MYO5A: variants seen among roughly 807,000 people sequenced by gnomAD.
MYO5A encodes the protein unconventional myosin-Va.
Under a neutral mutation model 249.7 loss-of-function variants are expected in MYO5A, and 98 were observed. That is an observed-to-expected ratio of 0.39 (90% CI 0.33 to 0.46). The LOEUF (loss-of-function observed/expected upper bound fraction) is 0.46. Ranked by LOEUF, MYO5A falls within the 20% of genes least tolerant of loss-of-function variation. The pLI is 0.98. For synonymous variants in MYO5A, 778 were observed against 810.6 expected (o/e 0.96, Z 0.68); for missense variants, 1,696 against 2,308.8 (o/e 0.73, Z 5.44).
At chr15:52,441,391 T>C (rs1387011778) in intron 1 of MYO5A, among the ~76,000 whole-genome samples, 1 of 152,168 alleles carries the variant, frequency 6.6e-6, no homozygotes, top group African/African-American at 2.4e-5. Flanking sequence ...AACTTCCATA[T>C]GCCCACCACT....
At chr15:52,385,836 A>G (rs868298800) in intron 14 of MYO5A, among the ~76,000 whole-genome samples, 1 of 152,212 alleles carries the variant, frequency 6.6e-6, no homozygotes, top group African/African-American at 2.4e-5. Flanking sequence ...CCAGCAGCAG[A>G]GGAAGCCTCC....
chr15:52,413,155 A>AG (rs2043323166), intron 5 of MYO5A, among the ~76,000 whole-genome samples: 1 of 151,060 alleles, frequency 6.6e-6, no homozygotes, highest in Non-Finnish European at 1.5e-5. Context: ...CTCAAAAAAA[A>AG]AAAAAAAAAA....
chr15:52,516,641 A>G (rs1236930999), intron 1 of MYO5A, among the ~76,000 whole-genome samples: 1 of 152,228 alleles, frequency 6.6e-6, no homozygotes, highest in East Asian at 1.9e-4. Flanking sequence ...TGACTGCTAT[A>G]AAGATTCCAT....
chr15:52,396,267 C>A, intron 11 of MYO5A, 49 bp downstream of exon 11: 3 of 1,118,738 alleles, frequency 2.7e-6, no homozygotes, highest in South Asian at 2.7e-5. Context: ...ACTAGGAATT[C>A]AAGAGAATAA....
chr15:52,380,958 T>TA (rs1286245617), intron 16 of MYO5A, among the ~76,000 whole-genome samples: 1 of 152,230 alleles, frequency 6.6e-6, no homozygotes, highest in Non-Finnish European at 1.5e-5. Flanking sequence ...TATATTTTTT[T>TA]AAAAATTACT....
chr15:52,360,807 G>C (rs922003248), intron 24 of MYO5A, among the ~76,000 whole-genome samples: 1 of 152,160 alleles, frequency 6.6e-6, no homozygotes, highest in Non-Finnish European at 1.5e-5. Flanking sequence ...TAGGAGAAGG[G>C]GTTAGAGAAT....
rs746546876 is a variant in MYO5A at position 52,354,016 on chromosome 15, T to C, written c.3424-2A>G. The C allele has an allele frequency of 1.2e-6, 2 of 1,614,146 alleles. No individual in the cohort carries two copies. Among genetic ancestry groups the C allele is most frequent in the South Asian group, 1.1e-5 (1 of 91,090 alleles). On this transcript the variant is annotated splice_acceptor_variant, in intron 25 of 41. Transcript: ENST00000399233. LOFTEE classifies it high-confidence loss of function. The stretch of plus-strand genomic sequence containing the variant: ...AGGTACCTTCTTCTCACTTGGTTCC[T>C]AAACCCCAGGAATCACAAAGATGGT...
intron 1 of MYO5A, among the ~76,000 whole-genome samples, chr15:52,460,741 TA>T (rs1362558245): frequency 9.9e-5 from 15 of 152,266 alleles, no homozygotes. Flanking sequence ...ATAAAGACTT[TA>T]ATGACATAGT....
At chr15:52,365,071 C>T (rs914427527) in intron 23 of MYO5A, among the ~76,000 whole-genome samples, 1 of 152,144 alleles carries the variant, frequency 6.6e-6, no homozygotes, top group African/African-American at 2.4e-5. Flanking sequence ...AAGTAGTGTA[C>T]TCTCTCAAAA....
intron 5 of MYO5A, among the ~76,000 whole-genome samples, chr15:52,410,886 C>CT (rs2043218929): frequency 6.6e-6 from 1 of 152,166 alleles, no homozygotes; most frequent in African/African-American, 2.4e-5. Context: ...AAAACTGATT[C>CT]TTTTAAGAAC....
intron 1 of MYO5A, among the ~76,000 whole-genome samples, chr15:52,506,981 G>A (rs2077285050): frequency 6.6e-6 from 1 of 152,212 alleles, no homozygotes; most frequent in African/African-American, 2.4e-5. Context: ...ATGGAAGAAA[G>A]AGAGTATATA....
intron 1 of MYO5A, among the ~76,000 whole-genome samples, chr15:52,487,211 T>C (rs1295372012): frequency 6.6e-6 from 1 of 151,828 alleles, no homozygotes; most frequent in Non-Finnish European, 1.5e-5. Flanking sequence ...AGTCCAGGAG[T>C]TCGAGACCAG....
chr15:52,352,795 G>C (rs28536105), intron 27 of MYO5A, among the ~76,000 whole-genome samples: 1 of 150,762 alleles, frequency 6.6e-6, no homozygotes, highest in East Asian at 1.9e-4. Context: ...AAAGAAAAAA[G>C]AAAAAAGAAA....
intron 1 of MYO5A, among the ~76,000 whole-genome samples, chr15:52,491,665 C>A (rs146061378): frequency 3.3e-5 from 5 of 152,286 alleles, no homozygotes; most frequent in Admixed American, 2.0e-4. Context: ...ACTGTTTAAT[C>A]CCCTTTTATC....
intron 1 of MYO5A, among the ~76,000 whole-genome samples, chr15:52,433,913 T>C (rs2075599402): frequency 6.6e-6 from 1 of 152,138 alleles, no homozygotes; most frequent in African/African-American, 2.4e-5. Flanking sequence ...TTTGAAGCTA[T>C]GGTGTTGTGG....
At chr15:52,331,733 G>A in intron 34 of MYO5A, 6 of 985,396 alleles carry the variant, frequency 6.1e-6, no homozygotes, top group Non-Finnish European at 7.2e-6. Flanking sequence ...CATGGAGCCT[G>A]GTGACACACC....
At chr15:52,364,404 G>A in intron 24 of MYO5A, 150 bp downstream of exon 24, 2 of 675,782 alleles carry the variant, frequency 3.0e-6, no homozygotes, top group East Asian at 5.5e-5. Context: ...AGTGGGTTGG[G>A]GAGATGGAAT....
intron 40 of MYO5A, among the ~76,000 whole-genome samples, chr15:52,315,459 C>G (rs2037955757): frequency 6.6e-6 from 1 of 151,952 alleles, no homozygotes; most frequent in Non-Finnish European, 1.5e-5. Flanking sequence ...ACTGCCACTT[C>G]TGCCTCCCAG....
intron 1 of MYO5A, among the ~76,000 whole-genome samples, chr15:52,524,428 C>T (rs2077689547): frequency 6.6e-6 from 1 of 151,672 alleles, no homozygotes; most frequent in African/African-American, 2.4e-5. Flanking sequence ...GTAGCACATG[C>T]CTGTAGATTC....
Sources: allele counts gnomAD v4.1 joint callset (sites outside exome capture counted in the v4.1 genomes callset), GRCh38; gene constraint gnomAD v4.1.1; transcripts MANE v1.5; gene names NCBI Gene and HGNC (gene_info 2026-07-23, HGNC 2026-07-21).